SULT1B1: variants seen among roughly 807,000 people sequenced by gnomAD.
SULT1B1 encodes the protein sulfotransferase family 1B member 1.
A neutral mutation model predicts 34.6 loss-of-function variants in SULT1B1; 28 were observed. That is an observed-to-expected ratio of 0.81 (90% CI 0.60 to 1.11). SULT1B1 has a LOEUF of 1.11. SULT1B1 is among the 50% of genes least tolerant of loss of function. The pLI is 0.00. For missense variants in SULT1B1, 374 were observed against 352.2 expected (o/e 1.06, Z -0.50); for synonymous variants, 147 against 110.2 (o/e 1.33, Z -2.09).
chr4:69,727,322 A>AAAT, intron 7 of SULT1B1, 122 bp from the exon 8 acceptor site: 2 of 600,458 alleles, frequency 3.3e-6, no homozygotes, highest in Non-Finnish European at 5.2e-6. Flanking sequence ...GAATGAATTC[A>AAAT]AACAGTCTTT....
At chr4:69,756,731 A>G (rs534444973) in intron 1 of SULT1B1, among the ~76,000 whole-genome samples, 3 of 152,184 alleles carry the variant, frequency 2.0e-5, no homozygotes, top group East Asian at 1.9e-4. Flanking sequence ...AGGTCACCCT[A>G]CATATCCTGG....
Position 69,750,889 on chromosome 4 carries a change from GC to G in SULT1B1, c.278-1072del, listed in dbSNP as rs1718956119. 2.6e-5 allele frequency among the ~76,000 whole-genome samples: 4 copies of G among 152,172 alleles called. No homozygotes were observed. The East Asian group carries it at 5.8e-4, about 22-fold the overall frequency. On this transcript the variant is annotated intron_variant, in intron 3 of 7. Transcript: ENST00000310613. ...ACTAGCACATGGTTAATATGAAGAA[GC>G]CTATTTAATGTCAGTAGACACAGGT...
rs1717668681 is a variant in SULT1B1, at chr4:69,721,504, A to T, written c.*5584T>A. 1 of 152,112 alleles carries T rather than the reference A, an allele frequency of 6.6e-6. No homozygotes were observed. The highest frequency in any genetic ancestry group is 1.5e-5 in the Non-Finnish European group (1 of 67,970). The allele number at this position is 152,112 out of a possible 1,614,324, so 9.4% of individuals were successfully genotyped here. A position where few individuals can be genotyped will look rare whatever the true frequency, so the allele number is the denominator to read the frequency against. ...TTCTGTATATGAAAGGAATTACAAAATATGGAGAAGGGTTGTATGTTGATT... is the reference window on the plus strand; with the variant it reads ...TTCTGTATATGAAAGGAATTACAAATTATGGAGAAGGGTTGTATGTTGATT... On this transcript the variant is annotated 3_prime_UTR_variant, in exon 8 of 8. Transcript: ENST00000310613.
chr4:69,754,832 C>A (rs1284879068), intron 2 of SULT1B1, 34 bp from the exon 3 acceptor site: 4 of 1,603,638 alleles, frequency 2.5e-6, no homozygotes, highest in Non-Finnish European at 2.6e-6. Flanking sequence ...AAAATAATTA[C>A]CCAAATTGCA....
intron 3 of SULT1B1, among the ~76,000 whole-genome samples, chr4:69,751,285 T>C (rs758101770): frequency 2.1e-4 from 32 of 152,232 alleles, no homozygotes; most frequent in Non-Finnish European, 3.7e-4. Flanking sequence ...TTTTCTCACA[T>C]CTGTTGTTCC....
At chr4:69,750,472 C>A (rs1356468282) in intron 3 of SULT1B1, among the ~76,000 whole-genome samples, 2 of 152,048 alleles carry the variant, frequency 1.3e-5, no homozygotes, top group African/African-American at 4.8e-5. Flanking sequence ...ACATAAACTT[C>A]TTATGCATTC....
chr4:69,732,234 C>A (rs919521499), intron 6 of SULT1B1, among the ~76,000 whole-genome samples: 7 of 152,146 alleles, frequency 4.6e-5, no homozygotes, highest in African/African-American at 1.7e-4. Flanking sequence ...ATCACAGATT[C>A]TTTATGGGAT....
rs1023501316 is a variant in SULT1B1, at chr4:69,723,308, T to A, written c.*3780A>T. ...GATAAATTCCTCGACACATACACCCTCCCAAGAATAAACCAGGAAGAAGTT... is the reference window on the plus strand; with the variant it reads ...GATAAATTCCTCGACACATACACCCACCCAAGAATAAACCAGGAAGAAGTT... On this transcript the variant is annotated 3_prime_UTR_variant, in exon 8 of 8. Coordinates refer to ENST00000310613, the MANE Select transcript of SULT1B1 (RefSeq NM_014465.4). 2.2e-4 allele frequency: 34 copies of A among 151,956 alleles called. No individual in the cohort carries two copies. The highest frequency in any genetic ancestry group is 8.2e-4 in the African/African-American group (34 of 41,344). The allele number at this position is 151,956 out of a possible 1,614,324, so 9.4% of individuals were successfully genotyped here. A position where few individuals can be genotyped will look rare whatever the true frequency, so the allele number is the denominator to read the frequency against.
Position 69,749,745 on chromosome 4 carries a change from T to G in SULT1B1, c.351A>C (p.Lys117Asn). 1 of 1,613,638 alleles carries G rather than the reference T, an allele frequency of 6.2e-7. No individual in the cohort carries two copies. The highest frequency in any genetic ancestry group is 8.5e-7 in the Non-Finnish European group (1 of 1,179,650). ...CCTTGCAATTGTTTTCCCAGAAAGATTTAGGAAGAAGATCAGTCGGTAGAT... is the reference window on the plus strand; with the variant it reads ...CCTTGCAATTGTTTTCCCAGAAAGAGTTAGGAAGAAGATCAGTCGGTAGAT... ...KTHLPTDLLP[K>N]SFWENNCKMI... The change falls in exon 4 of 8, where the codon AAA becomes AAC. Residue 117 changes from lysine (K) to asparagine (N), a missense_variant. Coordinates refer to ENST00000310613, the MANE Select transcript of SULT1B1 (RefSeq NM_014465.4).
At chr4:69,755,587 A>T (rs779674386) in intron 1 of SULT1B1, among the ~76,000 whole-genome samples, 1 of 152,200 alleles carries the variant, frequency 6.6e-6, no homozygotes, top group Non-Finnish European at 1.5e-5. Flanking sequence ...TCCACTGCTC[A>T]TTATTAAGAC....
chr4:69,739,653 G>A (rs1403608495), intron 4 of SULT1B1, among the ~76,000 whole-genome samples: 1 of 152,206 alleles, frequency 6.6e-6, no homozygotes, highest in Non-Finnish European at 1.5e-5. Context: ...TTACCACATT[G>A]TCTAGGTGAT....
chr4:69,759,657 A>G (rs983151264), intron 1 of SULT1B1, among the ~76,000 whole-genome samples: 1 of 152,336 alleles, frequency 6.6e-6, no homozygotes, highest in Non-Finnish European at 1.5e-5. Flanking sequence ...GGACTGGAAG[A>G]TGTCAAATAA....
At position 69,755,347 on chromosome 4, in the gene SULT1B1, G is replaced by A. The variant is rs962035787; in HGVS notation, c.-44-86C>T. 3 of 1,053,256 alleles carry A rather than the reference G, an allele frequency of 2.8e-6. No individual in the cohort carries two copies. In the African/African-American group the frequency reaches 4.8e-5, roughly 17 times the overall value. The allele number at this position is 1,053,256 out of a possible 1,614,324, so 65.2% of individuals were successfully genotyped here. A position where few individuals can be genotyped will look rare whatever the true frequency, so the allele number is the denominator to read the frequency against. ...TGCAATTTGTCACAAAGTAAAATTG[G>A]CCTTTAACATTCTGCGCACATGGAG... On this transcript the variant is annotated intron_variant, in intron 1 of 7. Transcript: ENST00000310613.
intron 4 of SULT1B1, among the ~76,000 whole-genome samples, chr4:69,746,241 C>T (rs1163920587): frequency 6.6e-6 from 1 of 152,102 alleles, no homozygotes; most frequent in Admixed American, 6.5e-5. Flanking sequence ...TCTGAATTTG[C>T]ATGTTGACTT....
At chr4:69,758,800 TTTTC>T (rs1719287145) in intron 1 of SULT1B1, among the ~76,000 whole-genome samples, 1 of 152,196 alleles carries the variant, frequency 6.6e-6, no homozygotes, top group Non-Finnish European at 1.5e-5. Context: ...ATCCTTTGCC[TTTTC>T]TTTATTTATT....
In SULT1B1 at chr4:69,724,615, C is replaced by G. The variant is rs1717751583; in HGVS notation, c.*2473G>C. On this transcript the variant is annotated 3_prime_UTR_variant, in exon 8 of 8. Transcript: ENST00000310613. ...CTGGAAGCATCATACTACCTGACTT[C>G]AAACTATACTACAAGGCTACAGTAA... 1.3e-5 allele frequency: 2 copies of G among 152,256 alleles called. No individual in the cohort carries two copies. Among genetic ancestry groups the G allele is most frequent in the African/African-American group, 2.4e-5 (1 of 41,446 alleles). The allele number at this position is 152,256 out of a possible 1,614,324, so 9.4% of individuals were successfully genotyped here.
chr4:69,760,123 G>A, intron 1 of SULT1B1: 1 of 369,160 alleles, frequency 2.7e-6, no homozygotes, highest in Non-Finnish European at 3.7e-6. Context: ...ATGTGTGCAT[G>A]AATGCATGTG....
chr4:69,742,105 C>A (rs968406195), intron 4 of SULT1B1, among the ~76,000 whole-genome samples: 5 of 152,068 alleles, frequency 3.3e-5, no homozygotes, highest in African/African-American at 1.2e-4. Flanking sequence ...TTATCAAAAG[C>A]CTTTTTCTAA....
intron 4 of SULT1B1, among the ~76,000 whole-genome samples, chr4:69,736,143 A>G (rs979313451): frequency 5.9e-5 from 9 of 152,200 alleles, no homozygotes; most frequent in Admixed American, 2.6e-4. Context: ...ACAGCCTTCC[A>G]TGAAGGAAGC....
Sources: allele counts gnomAD v4.1 joint callset (sites outside exome capture counted in the v4.1 genomes callset), GRCh38; gene constraint gnomAD v4.1.1; transcripts MANE v1.5; gene names NCBI Gene and HGNC (gene_info 2026-07-23, HGNC 2026-07-21).